Variants in DEPDC4 observed in about 807,000 individuals in gnomAD.
DEPDC4 encodes the protein DEP domain-containing protein 4.
A neutral mutation model predicts 52.0 loss-of-function variants in DEPDC4; 52 were observed. The observed-to-expected ratio is 1.00, with a 90% confidence interval of 0.80 to 1.26. DEPDC4 has a LOEUF of 1.26. DEPDC4 is among the 50% of genes most tolerant of loss of function. The pLI is 0.00. For synonymous variants in DEPDC4, 201 were observed against 196.8 expected, an observed-to-expected ratio of 1.02 and a Z score of -0.18; for missense variants, 530 against 546.9, an observed-to-expected ratio of 0.97 and a Z score of 0.31.
the DEPDC4 span, among the ~76,000 whole-genome samples, chr12:100,281,511 C>G: frequency 6.6e-6 from 1 of 151,974 alleles, no homozygotes; most frequent in African/African-American, 2.4e-5. Context: ...GGCAGCATAG[C>G]AGTACCCTGT....
At chr12:100,238,156 C>A, downstream of DEPDC4, 2 of 595,636 alleles carry the variant, frequency 3.4e-6, no homozygotes, top group Non-Finnish European at 4.2e-6. Flanking sequence ...GCAGTTTTAT[C>A]TTCCAGTGTC....
chr12:100,266,759 G>C (rs2096275378), intron 1 of DEPDC4, among the ~76,000 whole-genome samples, 161 bp downstream of exon 1: 1 of 152,234 alleles, frequency 6.6e-6, no homozygotes, highest in Non-Finnish European at 1.5e-5. Context: ...AAAAGCCTCA[G>C]TCCTGGGTCC....
chr12:100,242,548 T>C lies in DEPDC4; in HGVS notation c.1475A>G (p.Tyr492Cys), dbSNP rs1410104472. 1 of 154,846 alleles carries C rather than the reference T, an allele frequency of 6.5e-6. No homozygotes were observed. The highest frequency in any genetic ancestry group is 1.5e-5 in the Non-Finnish European group (1 of 68,224). The allele number at this position is 154,846 out of a possible 1,614,324, so 9.6% of individuals were successfully genotyped here. A position where few individuals can be genotyped will look rare whatever the true frequency, so the allele number is the denominator to read the frequency against. ...AISGMAENNS[Y>C]TSTA is the part of the protein sequence containing the mutation. ...TCCAGTATCCTAAGCTGTAGATGTG[T>C]AGCTGTTATTTTCAGCCATACCTTA... Residue 492 changes from tyrosine (Y) to cysteine (C), a missense_variant, in exon 9 of 10, where the codon TAC becomes TGC. Tyr to Cys is a radical substitution (Grantham distance 194, BLOSUM62 -2). Transcript: ENST00000550587.
chr12:100,261,461 G>C (rs983164832), intron 3 of DEPDC4, among the ~76,000 whole-genome samples: 5 of 152,216 alleles, frequency 3.3e-5, no homozygotes, highest in Non-Finnish European at 7.3e-5. Flanking sequence ...AACACAAGTA[G>C]ATGAAGTAAA....
intron 3 of DEPDC4, chr12:100,257,674 C>T (rs939811566): frequency 1.3e-5 from 2 of 152,294 alleles, no homozygotes; most frequent in Non-Finnish European, 2.9e-5. Context: ...TGTGCCCAAC[C>T]TATTTTTTGT....
At chr12:100,257,320 C>T (rs2153913299) in intron 3 of DEPDC4, among the ~76,000 whole-genome samples, 1 of 152,196 alleles carries the variant, frequency 6.6e-6, no homozygotes, top group Admixed American at 6.5e-5. Context: ...TCAAGTGATC[C>T]ACCCGCCTTG....
chr12:100,256,215 C>T lies in DEPDC4; in HGVS notation c.712G>A (p.Glu238Lys). ...TGAAGAAGACATAATAATGTTTGTT[C>T]TTTCCAAACATCTTGAAAAGGAAAG... ...LRLSKEDVWK[E>K]QTLLCLLQLI... The change falls in exon 4 of 10, where the codon GAA becomes AAA. Residue 238 changes from glutamate (E) to lysine (K), a missense_variant. Transcript: ENST00000550587. 6.2e-7 allele frequency: 1 copy of T among 1,609,268 alleles called. No individual in the cohort carries two copies. The highest frequency in any genetic ancestry group is 8.5e-7 in the Non-Finnish European group (1 of 1,177,002).
chr12:100,252,335 G>T, intron 6 of DEPDC4, 34 bp from the exon 7 acceptor site: 1 of 1,505,186 alleles, frequency 6.6e-7, no homozygotes, highest in Admixed American at 2.2e-5. Flanking sequence ...AGCATAAATG[G>T]TTTTTAGAGG....
intron 3 of DEPDC4, among the ~76,000 whole-genome samples, chr12:100,261,272 A>T (rs2096252818): frequency 6.6e-6 from 1 of 151,830 alleles, no homozygotes; most frequent in Non-Finnish European, 1.5e-5. Context: ...TTATCATGCC[A>T]ATGTTAACTA....
At chr12:100,271,766 ATTC>A (rs144836561), upstream of DEPDC4, among the ~76,000 whole-genome samples, 2,601 of 152,308 alleles carry the variant, frequency 0.017, 73 homozygotes, top group African/African-American at 0.059. Context: ...ATAATATTTT[ATTC>A]TTGGGATTGT....
At chr12:100,236,683 T>C (rs2096141820), downstream of DEPDC4, among the ~76,000 whole-genome samples, 1 of 152,214 alleles carries the variant, frequency 6.6e-6, no homozygotes, top group Non-Finnish European at 1.5e-5. Flanking sequence ...CGCTTTTGTT[T>C]AATTAAGTCC....
chr12:100,256,100 A>G lies in DEPDC4; in HGVS notation c.827T>C (p.Ile276Thr), dbSNP rs1009505596. 6.2e-7 allele frequency: 1 copy of G among 1,613,320 alleles called. No homozygotes were observed. The highest frequency in any genetic ancestry group is 8.5e-7 in the Non-Finnish European group (1 of 1,179,536). ...TTCTCTGTCTAGGCAAGTGTTAGTG[A>G]TAACAAGATCTTCCTCTTTGTTTAG... ...LQLNKEEDLV[I>T]TNTCLDRELI... The change falls in exon 4 of 10, where the codon ATC (isoleucine) becomes ACC (threonine). Residue 276 changes from isoleucine to threonine, a missense_variant. Coordinates refer to ENST00000550587, the MANE Select transcript of DEPDC4 (RefSeq NM_001364818.2).
the DEPDC4 span, among the ~76,000 whole-genome samples, chr12:100,274,777 A>G: frequency 2.9e-4 from 44 of 152,366 alleles, no homozygotes; most frequent in South Asian, 6.4e-3. Flanking sequence ...AGGCAAATCA[A>G]TTTTAGGAAA....
the DEPDC4 span, among the ~76,000 whole-genome samples, chr12:100,279,330 G>A: frequency 4.6e-5 from 7 of 152,218 alleles, no homozygotes; most frequent in Non-Finnish European, 7.3e-5. Context: ...GAGAGGAGGC[G>A]GAGCTTAGGC....
At chr12:100,260,083 G>A (rs2096248397) in intron 3 of DEPDC4, among the ~76,000 whole-genome samples, 1 of 151,618 alleles carries the variant, frequency 6.6e-6, no homozygotes, top group Admixed American at 6.6e-5. Flanking sequence ...CACAGAGAAA[G>A]GTCCAAAATA....
At chr12:100,278,172 G>A in the DEPDC4 span, among the ~76,000 whole-genome samples, 2 of 151,964 alleles carry the variant, frequency 1.3e-5, no homozygotes, top group East Asian at 1.9e-4. Context: ...TTATTATTCT[G>A]GTTTAAAAAC....
At chr12:100,265,272 C>T (rs764382240) in intron 1 of DEPDC4, among the ~76,000 whole-genome samples, 9 of 150,546 alleles carry the variant, frequency 6.0e-5, no homozygotes, top group Non-Finnish European at 1.2e-4. Flanking sequence ...CCAGTCAGGG[C>T]AACAGAGTGA....
At chr12:100,250,011 C>A (rs1175478266) in intron 7 of DEPDC4, among the ~76,000 whole-genome samples, 2 of 152,032 alleles carry the variant, frequency 1.3e-5, no homozygotes, top group Non-Finnish European at 2.9e-5. Context: ...CAGGGACAGC[C>A]CCGTAACAGG....
chr12:100,273,982 G>T, the DEPDC4 span, among the ~76,000 whole-genome samples: 1 of 152,138 alleles, frequency 6.6e-6, no homozygotes, highest in Non-Finnish European at 1.5e-5. Context: ...TCACCTTCCC[G>T]TCAAAATCAA....
Sources: gnomAD v4.1 joint callset for allele counts (sites outside exome capture counted in the v4.1 genomes callset) on GRCh38, gnomAD v4.1.1 for gene constraint, MANE v1.5 for transcripts, NCBI Gene and HGNC (gene_info 2026-07-23, HGNC 2026-07-21) for gene names.